Variants in EPB41L4A observed in about 807,000 individuals in gnomAD.
EPB41L4A encodes the protein erythrocyte membrane protein band 4.1 like 4A.
EPB41L4A carries 100 observed loss-of-function variants against 108.6 expected under a neutral mutation model. The ratio of observed to expected loss-of-function variants is 0.92; its 90% CI spans 0.78 to 1.09. The LOEUF (loss-of-function observed/expected upper bound fraction) is 1.09, where lower values mean the gene tolerates loss of function less well. Ranked by LOEUF, EPB41L4A falls within the 50% of genes least tolerant of loss-of-function variation. The pLI is 0.00. For synonymous variants in EPB41L4A, 319 were observed against 289.0 expected (o/e 1.10, Z -1.05); for missense variants, 1,030 against 842.7 (o/e 1.22, Z -2.75).
At chr5:112,307,243 A>T in intron 2 of EPB41L4A, 143 bp downstream of exon 2, 1 of 594,708 alleles carries the variant, frequency 1.7e-6, no homozygotes, top group Non-Finnish European at 2.9e-6. Flanking sequence ...ATGCAAAGAA[A>T]TTATCAGGGG....
chr5:112,396,558 T>C (rs1052485185), intron 1 of EPB41L4A, among the ~76,000 whole-genome samples: 7 of 152,214 alleles, frequency 4.6e-5, no homozygotes, highest in African/African-American at 1.7e-4. Context: ...TTCTGGCCCA[T>C]GGTCTCTTGC....
At chr5:112,405,299 T>A (rs1762015651) in intron 1 of EPB41L4A, among the ~76,000 whole-genome samples, 1 of 152,210 alleles carries the variant, frequency 6.6e-6, no homozygotes, top group African/African-American at 2.4e-5. Flanking sequence ...CATCTCCAGA[T>A]GACTGACGCC....
intron 1 of EPB41L4A, among the ~76,000 whole-genome samples, chr5:112,360,471 C>T (rs1327649956): frequency 3.3e-5 from 5 of 152,200 alleles, no homozygotes; most frequent in African/African-American, 1.2e-4. Flanking sequence ...GACGGGGTTT[C>T]GCCATGTTGG....
At position 112,164,936 on chromosome 5, in the gene EPB41L4A, A is replaced by T. The variant is rs1244869444; in HGVS notation, c.*54T>A. The T allele has an allele frequency of 6.7e-7, 1 of 1,495,798 alleles. No homozygotes were observed. The highest frequency in any genetic ancestry group is 8.9e-7 in the Non-Finnish European group (1 of 1,123,218). 92.7% of individuals were successfully genotyped at this position (1,495,798 alleles called of 1,614,324 possible). On this transcript the variant is annotated 3_prime_UTR_variant, in exon 23 of 23. Transcript: ENST00000261486. ...AAGATACCTATTTCACAGTTTCAAA[A>T]GTACCAGTGGCGCACACAACCTTCC...
At chr5:112,194,458 C>A in intron 17 of EPB41L4A, 110 bp downstream of exon 17, 1 of 599,036 alleles carries the variant, frequency 1.7e-6, no homozygotes, top group African/African-American at 1.9e-5. Flanking sequence ...TGCCAGATTG[C>A]TTCTCAGACT....
intron 1 of EPB41L4A, among the ~76,000 whole-genome samples, chr5:112,403,441 T>C (rs1274263601): frequency 5.9e-5 from 9 of 152,174 alleles, no homozygotes; most frequent in African/African-American, 1.7e-4. Context: ...AGTCTCCTTT[T>C]TGACATATAA....
downstream of EPB41L4A, chr5:112,161,619 C>T (rs1272204566): frequency 1.9e-6 from 1 of 519,130 alleles, no homozygotes; most frequent in Non-Finnish European, 3.8e-6. Context: ...GTAACAGTTG[C>T]TGCTTTTACG....
chr5:112,265,905 G>C (rs910747688), intron 5 of EPB41L4A, among the ~76,000 whole-genome samples: 12 of 152,216 alleles, frequency 7.9e-5, no homozygotes, highest in Admixed American at 7.2e-4. Context: ...CTGACACATA[G>C]AAGCTTGGGA....
chr5:112,285,867 A>G (rs954405044), intron 2 of EPB41L4A, among the ~76,000 whole-genome samples: 1 of 152,148 alleles, frequency 6.6e-6, no homozygotes, highest in Non-Finnish European at 1.5e-5. Context: ...AATCCTCTTA[A>G]TAACTCTAGG....
At chr5:112,171,281 G>A (rs992581478) in intron 18 of EPB41L4A, among the ~76,000 whole-genome samples, 6 of 152,200 alleles carry the variant, frequency 3.9e-5, no homozygotes, top group Non-Finnish European at 8.8e-5. Context: ...AGTGGTAACT[G>A]TACAACGAAG....
At chr5:112,229,542 G>C (rs954400033) in intron 12 of EPB41L4A, among the ~76,000 whole-genome samples, 4 of 152,084 alleles carry the variant, frequency 2.6e-5, no homozygotes, top group African/African-American at 7.2e-5. Flanking sequence ...CCAATGTGTA[G>C]TCTTTTATCC....
At chr5:112,333,138 T>C (rs1442293425) in intron 1 of EPB41L4A, among the ~76,000 whole-genome samples, 3 of 152,160 alleles carry the variant, frequency 2.0e-5, no homozygotes, top group South Asian at 2.1e-4. Flanking sequence ...TCTTTCTCTA[T>C]CGGTTTAAAA....
At chr5:112,204,924 A>C (rs1424279408) in intron 14 of EPB41L4A, among the ~76,000 whole-genome samples, 3 of 152,222 alleles carry the variant, frequency 2.0e-5, no homozygotes, top group African/African-American at 7.2e-5. Context: ...TAAGTGGCCC[A>C]AATAAAGTAG....
intron 15 of EPB41L4A, among the ~76,000 whole-genome samples, chr5:112,203,172 G>A (rs771236922): frequency 6.6e-5 from 10 of 151,922 alleles, no homozygotes; most frequent in Non-Finnish European, 1.3e-4. Context: ...CGAGACCAAC[G>A]TGGAGAAACC....
At chr5:112,304,914 T>C (rs1228633576) in intron 2 of EPB41L4A, among the ~76,000 whole-genome samples, 2 of 152,178 alleles carry the variant, frequency 1.3e-5, no homozygotes, top group East Asian at 1.9e-4. Context: ...AAACCTATCT[T>C]GTGACTCCCA....
At chr5:112,249,619 C>CAT (rs1340447930) in intron 9 of EPB41L4A, 7 of 152,092 alleles carry the variant, frequency 4.6e-5, no homozygotes, top group African/African-American at 1.7e-4. Context: ...TTCCACCTGG[C>CAT]TAATGAATTT....
At chr5:112,403,769 A>G (rs1054224673) in intron 1 of EPB41L4A, among the ~76,000 whole-genome samples, 2 of 152,208 alleles carry the variant, frequency 1.3e-5, no homozygotes, top group African/African-American at 2.4e-5. Context: ...CGCGAGGCCT[A>G]AGCTTCATTT....
chr5:112,345,703 A>G lies in EPB41L4A; in HGVS notation c.100-38213T>C, dbSNP rs182934978. 4.6e-3 allele frequency among the ~76,000 whole-genome samples: 690 copies of G among 151,086 alleles called. 3 individuals carry two copies. The highest frequency in any genetic ancestry group is 7.2e-3 in the Non-Finnish European group (485 of 67,782). ...CATGTGTGTGTACGTGTGTGTGTTTATGTGTGCACACGCATGCAGTGTTGT... is the reference window on the plus strand; with the variant it reads ...CATGTGTGTGTACGTGTGTGTGTTTGTGTGTGCACACGCATGCAGTGTTGT... On this transcript the variant is annotated intron_variant, in intron 1 of 22. Transcript: ENST00000261486.
chr5:112,160,306 C>CT (rs551852537), downstream of EPB41L4A, among the ~76,000 whole-genome samples: 10 of 152,256 alleles, frequency 6.6e-5, no homozygotes, highest in South Asian at 2.1e-3. Flanking sequence ...GCATGACCCT[C>CT]TTTTGCTGCC....
Sources: allele counts gnomAD v4.1 joint callset (sites outside exome capture counted in the v4.1 genomes callset), GRCh38; gene constraint gnomAD v4.1.1; transcripts MANE v1.5; gene names NCBI Gene and HGNC (gene_info 2026-07-23, HGNC 2026-07-21).